Variants in RASGRF1 observed in about 807,000 individuals in gnomAD.
RASGRF1 encodes the protein Ras protein specific guanine nucleotide releasing factor 1.
Under a neutral mutation model 138.7 loss-of-function variants are expected in RASGRF1, and 40 were observed. That is an observed-to-expected ratio of 0.29 (90% CI 0.22 to 0.38). The LOEUF is 0.38. Ranked by LOEUF, RASGRF1 falls within the 10% of genes least tolerant of loss-of-function variation. The pLI, the probability that RASGRF1 is intolerant of heterozygous loss-of-function variation, is 1.00. For missense variants in RASGRF1, 1,108 were observed against 1,650.4 expected (o/e 0.67, Z 5.69); for synonymous variants, 614 against 663.2 (o/e 0.93, Z 1.14).
intron 3 of RASGRF1, among the ~76,000 whole-genome samples, chr15:79,052,888 G>C (rs1367912366): frequency 2.6e-5 from 4 of 152,120 alleles, no homozygotes; most frequent in South Asian, 2.1e-4. Context: ...GGTGGGGAAG[G>C]ACCAAGGCCA....
chr15:79,050,890 T>C lies in RASGRF1; in HGVS notation c.532-1302A>G, dbSNP rs1363716630. Among the ~76,000 whole-genome samples, 2 of 152,220 alleles carry C rather than the reference T, an allele frequency of 1.3e-5. No individual in the cohort carries two copies. Among genetic ancestry groups the C allele is most frequent in the Non-Finnish European group, 2.9e-5 (2 of 68,028 alleles). Reference sequence around the variant, plus strand: ...AAATGCTGGAATTGCTTGTCTACTCTTCTATCTTTGCCGTGAGCTCTAAGG... The same window carrying C: ...AAATGCTGGAATTGCTTGTCTACTCCTCTATCTTTGCCGTGAGCTCTAAGG... On this transcript the variant is annotated intron_variant, in intron 3 of 26. Transcript: ENST00000558480. The surrounding 1 kb of genome is among the most constrained non-coding windows in gnomAD (Gnocchi z 4.1).
intron 10 of RASGRF1, among the ~76,000 whole-genome samples, chr15:79,021,186 A>G (rs1312236588): frequency 6.6e-6 from 1 of 152,206 alleles, no homozygotes; most frequent in Admixed American, 6.5e-5. Flanking sequence ...TGATTTCCTG[A>G]CCCACAGAAA....
chr15:79,016,297 C>G (rs545383423), intron 12 of RASGRF1, among the ~76,000 whole-genome samples: 2 of 152,210 alleles, frequency 1.3e-5, no homozygotes, highest in Non-Finnish European at 2.9e-5. Context: ...GTGGAGCTCC[C>G]AGGCCCAGAC....
chr15:78,989,143 G>C (rs898733262), intron 22 of RASGRF1, among the ~76,000 whole-genome samples: 1 of 152,192 alleles, frequency 6.6e-6, no homozygotes, highest in Non-Finnish European at 1.5e-5. Flanking sequence ...AGAAGGCTCT[G>C]GGACCTGTCT....
In RASGRF1 at chr15:79,006,166, G is replaced by A. The variant is rs377044760; in HGVS notation, c.2075+20C>T. On this transcript the variant is annotated intron_variant, in intron 14 of 26. Transcript: ENST00000558480. The surrounding 1 kb of genome is among the most constrained non-coding windows in gnomAD (Gnocchi z 4.0). The stretch of plus-strand genomic sequence containing the variant: ...CTTGGAAGCTCTCCGGGCATGGGAG[G>A]AGGAGGGCACCTCAGCCACCTGGCA... 2 of 1,613,632 alleles carry A rather than the reference G, an allele frequency of 1.2e-6. No homozygotes were observed. Among genetic ancestry groups the A allele is most frequent in the Non-Finnish European group, 1.7e-6 (2 of 1,179,634 alleles).
chr15:78,992,197 C>T (rs185428825), intron 20 of RASGRF1, among the ~76,000 whole-genome samples: 2 of 152,364 alleles, frequency 1.3e-5, no homozygotes. Context: ...CTCCCTTCAG[C>T]GTCCGCCTGA....
chr15:79,073,678 T>C lies in RASGRF1; in HGVS notation c.277-9152A>G, dbSNP rs1207326512. On this transcript the variant is annotated intron_variant, in intron 1 of 26. Transcript: ENST00000558480. This position sits in a 1 kb window ranked among gnomAD's most constrained non-coding sequence, Gnocchi z 4.2. ...AGGATGGCATGGGGACAAGACTGGCTGCCCTGGAACACCTGGATTCCACCT... is the reference window on the plus strand; with the variant it reads ...AGGATGGCATGGGGACAAGACTGGCCGCCCTGGAACACCTGGATTCCACCT... Among the ~76,000 whole-genome samples, 3 of 152,176 alleles carry C rather than the reference T, an allele frequency of 2.0e-5. No individual in the cohort carries two copies. Among genetic ancestry groups the C allele is most frequent in the Non-Finnish European group, 4.4e-5 (3 of 68,028 alleles).
At chr15:79,089,657 G>A (rs935141981) in intron 1 of RASGRF1, among the ~76,000 whole-genome samples, 16 of 152,342 alleles carry the variant, frequency 1.1e-4, no homozygotes, top group Middle Eastern at 3.4e-3. Flanking sequence ...CGATGGTACC[G>A]AACCGACCCG....
At chr15:78,983,293 G>A (rs1481408555) in intron 23 of RASGRF1, among the ~76,000 whole-genome samples, 1 of 149,102 alleles carries the variant, frequency 6.7e-6, no homozygotes, top group African/African-American at 2.5e-5. Context: ...ATCTCATGTG[G>A]TGCCAAAGGT....
intron 13 of RASGRF1, among the ~76,000 whole-genome samples, chr15:79,010,733 GC>G (rs1445048096): frequency 6.6e-6 from 1 of 152,166 alleles, no homozygotes; most frequent in East Asian, 1.9e-4. Flanking sequence ...CAGGGAGAGT[GC>G]CCCCACCTTG....
chr15:79,048,140 T>A (rs961211065), intron 4 of RASGRF1, among the ~76,000 whole-genome samples: 2 of 152,116 alleles, frequency 1.3e-5, no homozygotes, highest in Non-Finnish European at 2.9e-5. Context: ...TCACTGGGGC[T>A]GTAGTAGAGA....
intron 1 of RASGRF1, among the ~76,000 whole-genome samples, chr15:79,078,134 T>C (rs2057862962): frequency 9.1e-6 from 1 of 109,768 alleles, no homozygotes; most frequent in Non-Finnish European, 2.0e-5. Flanking sequence ...GAGAACCTGG[T>C]GTGTGTGTGT....
chr15:79,022,788 A>G (rs2056979636), intron 10 of RASGRF1, among the ~76,000 whole-genome samples: 3 of 152,210 alleles, frequency 2.0e-5, no homozygotes, highest in African/African-American at 7.2e-5. Context: ...TATTCCCTGA[A>G]GCCATTGCTG....
intron 7 of RASGRF1, 27 bp from the exon 8 acceptor site, chr15:79,031,536 T>G (rs1367887594): frequency 3.3e-6 from 5 of 1,513,922 alleles, no homozygotes; most frequent in Non-Finnish European, 4.5e-6. Context: ...GAGGTGAGGG[T>G]GGAGAAAGAG....
intron 1 of RASGRF1, among the ~76,000 whole-genome samples, chr15:79,075,657 T>C (rs540070629): frequency 6.6e-6 from 1 of 152,344 alleles, no homozygotes; most frequent in East Asian, 1.9e-4. Flanking sequence ...CCAACTGTCC[T>C]GGGTTTGCCT....
Position 79,073,481 on chromosome 15 carries a change from C to G in RASGRF1, c.277-8955G>C, listed in dbSNP as rs187712652. Among the ~76,000 whole-genome samples the G allele has an allele frequency of 6.6e-6, 1 of 152,080 alleles. No individual in the cohort carries two copies. The highest frequency in any genetic ancestry group is 1.9e-4 in the East Asian group (1 of 5,178). On this transcript the variant is annotated intron_variant, in intron 1 of 26. Coordinates refer to ENST00000558480, the MANE Select transcript of RASGRF1 (RefSeq NM_001145648.3). The surrounding 1 kb of genome is among the most constrained non-coding windows in gnomAD (Gnocchi z 4.2). ...AGTATCATCCGAAGCTATAAGGAGA[C>G]CACCTGGAGTCGGGGTTGTGAGAGA...
At chr15:79,016,595 G>A (rs948770424) in intron 12 of RASGRF1, among the ~76,000 whole-genome samples, 5 of 152,212 alleles carry the variant, frequency 3.3e-5, no homozygotes, top group African/African-American at 4.8e-5. Context: ...TGACGGCTGC[G>A]GCTCACTGGG....
chr15:78,994,123 A>G (rs965412905), intron 20 of RASGRF1, among the ~76,000 whole-genome samples: 8 of 152,190 alleles, frequency 5.3e-5, no homozygotes, highest in African/African-American at 1.9e-4. Flanking sequence ...CTGTTGGGAA[A>G]CAGGAGCAGA....
At chr15:78,980,472 G>A (rs990832971) in intron 24 of RASGRF1, 148 bp downstream of exon 24, 3 of 557,686 alleles carry the variant, frequency 5.4e-6, no homozygotes, top group East Asian at 5.7e-5. Flanking sequence ...CCACCATTGG[G>A]GTCCAGGAAA....
Sources: gnomAD v4.1 joint callset for allele counts (sites outside exome capture counted in the v4.1 genomes callset) on GRCh38, gnomAD v4.1.1 for gene constraint, Gnocchi (gnomAD v3.1) non-coding constraint, MANE v1.5 for transcripts, NCBI Gene and HGNC (gene_info 2026-07-23, HGNC 2026-07-21) for gene names.